SSBP2: variants seen among roughly 807,000 people sequenced by gnomAD.
The protein encoded by SSBP2 is single-stranded DNA-binding protein 2.
SSBP2 carries 17 observed loss-of-function variants against 61.8 expected under a neutral mutation model. The ratio of observed to expected loss-of-function variants is 0.28; its 90% CI spans 0.19 to 0.41. SSBP2 has a LOEUF of 0.41. SSBP2 is among the 10% of genes least tolerant of loss of function. SSBP2 has a pLI of 1.00. For missense variants in SSBP2, 310 were observed against 458.7 expected, an observed-to-expected ratio of 0.68 and a Z score of 2.96; for synonymous variants, 139 against 141.3, an observed-to-expected ratio of 0.98 and a Z score of 0.12.
Position 81,439,775 on chromosome 5 carries a change from G to A in SSBP2, c.928+783C>T, listed in dbSNP as rs374325148. Among the ~76,000 whole-genome samples the A allele has an allele frequency of 4.0e-4, 60 of 149,810 alleles. 2 individuals are homozygous for A. The East Asian group carries it at 0.011, about 28-fold the overall frequency. ...CAAGCTCCGCCTCCCGGGTTCAAGC[G>A]ATTCTCCTGCCTCAGCCTCCCAAGT... On this transcript the variant is annotated intron_variant, in intron 14 of 16. Transcript: ENST00000320672.
chr5:81,739,893 C>T (rs78146357), intron 1 of SSBP2, among the ~76,000 whole-genome samples: 1,950 of 152,210 alleles, frequency 0.013, 34 homozygotes, highest in African/African-American at 0.045. Context: ...TGCTATTCTG[C>T]TGGGGACCTA....
At chr5:81,721,568 T>C (rs1039872658) in intron 1 of SSBP2, among the ~76,000 whole-genome samples, 8 of 152,064 alleles carry the variant, frequency 5.3e-5, no homozygotes, top group Non-Finnish European at 8.8e-5. Context: ...AGCAGTTCAG[T>C]ATCCAGTGAC....
chr5:81,568,923 C>T (rs1268184976), intron 4 of SSBP2, among the ~76,000 whole-genome samples: 2 of 151,916 alleles, frequency 1.3e-5, no homozygotes, highest in African/African-American at 4.8e-5. Flanking sequence ...TGGTAGAGAA[C>T]AATGGAAGGA....
chr5:81,722,350 G>C (rs1299874178), intron 1 of SSBP2, among the ~76,000 whole-genome samples: 5 of 150,098 alleles, frequency 3.3e-5, no homozygotes, highest in Non-Finnish European at 7.4e-5. Flanking sequence ...AAAGTTCCTT[G>C]CTTTCCAGCT....
At chr5:81,503,460 CA>C (rs1249782267) in intron 5 of SSBP2, among the ~76,000 whole-genome samples, 1 of 151,858 alleles carries the variant, frequency 6.6e-6, no homozygotes, top group African/African-American at 2.4e-5. Flanking sequence ...TCTCAAAAAA[CA>C]AAACAAAACA....
At chr5:81,672,685 C>T (rs1751670438) in intron 1 of SSBP2, among the ~76,000 whole-genome samples, 1 of 151,604 alleles carries the variant, frequency 6.6e-6, no homozygotes, top group Non-Finnish European at 1.5e-5. Context: ...GATTCTCCTG[C>T]CTCGGCATCC....
chr5:81,670,100 T>C (rs1421031282), intron 1 of SSBP2, among the ~76,000 whole-genome samples: 2 of 152,166 alleles, frequency 1.3e-5, no homozygotes, highest in African/African-American at 4.8e-5. Flanking sequence ...CATGCCATCA[T>C]GTGTTTGCCA....
chr5:81,746,411 G>A (rs1464119971), intron 1 of SSBP2, among the ~76,000 whole-genome samples: 1 of 152,008 alleles, frequency 6.6e-6, no homozygotes, highest in Non-Finnish European at 1.5e-5. Flanking sequence ...CCTGAATTGT[G>A]CGAATTGCTG....
chr5:81,476,357 C>T (rs529212751), intron 6 of SSBP2, among the ~76,000 whole-genome samples: 1 of 152,288 alleles, frequency 6.6e-6, no homozygotes, highest in African/African-American at 2.4e-5. Flanking sequence ...AGACATGTTA[C>T]ATTTAGTTGT....
rs1462169870 is a variant in SSBP2, at chr5:81,413,198, C to CA, written c.*7305dup. The CA allele has an allele frequency of 6.6e-6, 1 of 152,196 alleles. No homozygotes were observed. Among genetic ancestry groups the CA allele is most frequent in the Non-Finnish European group, 1.5e-5 (1 of 68,026 alleles). The allele number at this position is 152,196 out of a possible 1,614,324, so 9.4% of individuals were successfully genotyped here. ...GGGTCATTTATGTACATCTTTATGGCAACTTATCCCATTACATGAATAGCT... is the reference window on the plus strand; with the variant it reads ...GGGTCATTTATGTACATCTTTATGGCAAACTTATCCCATTACATGAATAGCT... On this transcript the variant is annotated 3_prime_UTR_variant, in exon 17 of 17. Transcript: ENST00000320672.
chr5:81,564,319 T>C (rs1200397992), intron 4 of SSBP2, among the ~76,000 whole-genome samples: 2 of 152,130 alleles, frequency 1.3e-5, no homozygotes, highest in South Asian at 2.1e-4. Context: ...AGGAAGAACA[T>C]GTTTGCCTTG....
At chr5:81,529,840 T>C (rs540478276) in intron 4 of SSBP2, among the ~76,000 whole-genome samples, 1 of 152,208 alleles carries the variant, frequency 6.6e-6, no homozygotes, top group Admixed American at 6.5e-5. Flanking sequence ...TATGACATAT[T>C]TGATTCAATG....
chr5:81,714,619 T>C (rs1476781217), intron 1 of SSBP2, among the ~76,000 whole-genome samples: 1 of 152,260 alleles, frequency 6.6e-6, no homozygotes, highest in African/African-American at 2.4e-5. Flanking sequence ...GGTATCTCAT[T>C]GTGGTTTTGA....
At chr5:81,741,301 T>C (rs1265410373) in intron 1 of SSBP2, among the ~76,000 whole-genome samples, 2 of 151,960 alleles carry the variant, frequency 1.3e-5, no homozygotes, top group African/African-American at 2.4e-5. Context: ...AGACAGAAAA[T>C]AGAATGGTAG....
At chr5:81,716,588 C>A (rs959212840) in intron 1 of SSBP2, among the ~76,000 whole-genome samples, 2 of 152,088 alleles carry the variant, frequency 1.3e-5, no homozygotes, top group Non-Finnish European at 2.9e-5. Context: ...GCTGAATATG[C>A]AAATTACATA....
At chr5:81,623,961 G>A (rs1746889203) in intron 3 of SSBP2, among the ~76,000 whole-genome samples, 2 of 152,036 alleles carry the variant, frequency 1.3e-5, no homozygotes. Context: ...TTTAACATAG[G>A]CAAAGAAATA....
chr5:81,454,661 C>T (rs977049043), intron 10 of SSBP2, among the ~76,000 whole-genome samples: 1 of 149,988 alleles, frequency 6.7e-6, no homozygotes, highest in African/African-American at 2.5e-5. Context: ...AGCCTGGTGA[C>T]AAGAGCAAAA....
intron 1 of SSBP2, 148 bp downstream of exon 1, chr5:81,750,833 A>AT: frequency 2.3e-6 from 2 of 858,526 alleles, no homozygotes; most frequent in South Asian, 1.6e-5. Context: ...CCCGCACCAC[A>AT]CGCCCCCATC....
At chr5:81,427,277 A>AT (rs2153902663) in intron 16 of SSBP2, among the ~76,000 whole-genome samples, 1 of 152,344 alleles carries the variant, frequency 6.6e-6, no homozygotes, top group South Asian at 2.1e-4. Flanking sequence ...TATGACTTAA[A>AT]TTATGTAGCT....
Sources: allele counts gnomAD v4.1 joint callset (sites outside exome capture counted in the v4.1 genomes callset), GRCh38; gene constraint gnomAD v4.1.1; transcripts MANE v1.5; gene names NCBI Gene and HGNC (gene_info 2026-07-23, HGNC 2026-07-21).